The following KLHL4 variants were observed in gnomAD, a reference collection of about 807,000 sequenced individuals.
KLHL4 encodes the protein kelch like family member 4.
KLHL4 carries 17 observed loss-of-function variants against 45.8 expected under a neutral mutation model. The ratio of observed to expected loss-of-function variants is 0.37; its 90% CI spans 0.25 to 0.56. KLHL4 has a LOEUF of 0.56. KLHL4 is among the 20% of genes least tolerant of loss of function. KLHL4 has a pLI of 0.79. For missense variants in KLHL4, 544 were observed against 544.9 expected (o/e 1.00, Z 0.02); for synonymous variants, 224 against 189.9 (o/e 1.18, Z -1.47).
chrX:87,639,268 T>C (rs1168717714), intron 9 of KLHL4, among the ~76,000 whole-genome samples: 2 of 111,199 alleles, frequency 1.8e-5, no homozygotes, highest in Non-Finnish European at 3.8e-5. Context: ...CAGTACTCCA[T>C]TCACAGCACT....
chrX:87,638,900 G>A (rs923010207), intron 9 of KLHL4, among the ~76,000 whole-genome samples: 4 of 111,283 alleles, frequency 3.6e-5, no homozygotes, highest in African/African-American at 9.8e-5. Context: ...GATGTAGAAT[G>A]GCAAAATTGA....
intron 9 of KLHL4, among the ~76,000 whole-genome samples, chrX:87,642,500 C>T (rs1923496812): frequency 1.8e-5 from 2 of 111,875 alleles, no homozygotes; most frequent in South Asian, 7.4e-4. Context: ...TTCAACACCC[C>T]CCTAAAGAAT....
intron 1 of KLHL4, among the ~76,000 whole-genome samples, chrX:87,606,145 A>T (rs955742515): frequency 9.0e-6 from 1 of 110,973 alleles, no homozygotes; most frequent in Non-Finnish European, 1.9e-5. Flanking sequence ...TATTGTTGAA[A>T]ATTTTTCCAT....
At chrX:87,655,716 T>C (rs903254586) in intron 9 of KLHL4, among the ~76,000 whole-genome samples, 1 of 111,730 alleles carries the variant, frequency 9.0e-6, no homozygotes, top group Non-Finnish European at 1.9e-5. Context: ...CTTATTCCTG[T>C]CATAATATTA....
rs192052684 is a variant in KLHL4 at position 87,562,029 on chromosome X, G to A, written c.422+43714G>A. On this transcript the variant is annotated intron_variant, in intron 1 of 10. Transcript: ENST00000373119. ...GTAGTAATCACCATAGGACTTGGAT[G>A]AGACCTAATGCCATATTGGCTTCAT... 6.4e-5 allele frequency among the ~76,000 whole-genome samples: 7 copies of A among 109,540 alleles called. No individual in the cohort carries two copies. In the East Asian group the frequency reaches 2.1e-3, roughly 33 times the overall value.
chrX:87,599,529 G>A (rs1921942341), intron 1 of KLHL4, among the ~76,000 whole-genome samples: 1 of 110,308 alleles, frequency 9.1e-6, no homozygotes, highest in African/African-American at 3.3e-5. Context: ...AATACCACTT[G>A]TGTTCCTTTT....
At chrX:87,528,155 C>A (rs1481657623) in intron 1 of KLHL4, among the ~76,000 whole-genome samples, 1 of 111,413 alleles carries the variant, frequency 9.0e-6, no homozygotes, top group Non-Finnish European at 1.9e-5. Context: ...ATTAGGGAAA[C>A]AATTTGTGAT....
chrX:87,616,686 T>G (rs1463464934), intron 3 of KLHL4, among the ~76,000 whole-genome samples: 1 of 111,728 alleles, frequency 9.0e-6, no homozygotes, highest in African/African-American at 3.2e-5. Context: ...ACTATTCCTC[T>G]GAATGAATAT....
At chrX:87,617,491 T>C (rs1457219968) in intron 3 of KLHL4, among the ~76,000 whole-genome samples, 1 of 112,031 alleles carries the variant, frequency 8.9e-6, no homozygotes, top group Admixed American at 9.5e-5. Context: ...ATGATTCTTA[T>C]ACAATATGAC....
rs781650641 is a variant in KLHL4, at chrX:87,517,858, C to T, written c.-36C>T. ...AGATAACAAAGGCTCCGTTTCCTTT[C>T]TGTGAGAGAAGGCTTTTGTCTTTCC... is the stretch of plus-strand genomic sequence containing the variant. On this transcript the variant is annotated 5_prime_UTR_variant, in exon 1 of 11. Coordinates refer to ENST00000373119, the MANE Select transcript of KLHL4 (RefSeq NM_019117.5). The T allele has an allele frequency of 8.6e-7, 1 of 1,160,355 alleles. No individual in the cohort carries two copies. Among genetic ancestry groups the T allele is most frequent in the Non-Finnish European group, 1.2e-6 (1 of 868,628 alleles).
Position 87,526,798 on chromosome X carries a change from A to T in KLHL4, c.422+8483A>T, listed in dbSNP as rs182401024. ...TACAAAATGAGGAGACCAAAAAAGA[A>T]GGTCAGAGCTATATTATGGAGGCTC... is the stretch of plus-strand genomic sequence containing the variant. On this transcript the variant is annotated intron_variant, in intron 1 of 10. Coordinates refer to ENST00000373119, the MANE Select transcript of KLHL4 (RefSeq NM_019117.5). 8.4e-4 allele frequency among the ~76,000 whole-genome samples: 94 copies of T among 111,972 alleles called. 1 individual carries two copies. The highest frequency in any genetic ancestry group is 7.7e-3 in the South Asian group (21 of 2,720).
chrX:87,643,863 A>G (rs965526515), intron 9 of KLHL4, among the ~76,000 whole-genome samples: 1 of 112,053 alleles, frequency 8.9e-6, no homozygotes, highest in African/African-American at 3.2e-5. Context: ...CTTTATGATT[A>G]AAATTCTCAG....
intron 1 of KLHL4, among the ~76,000 whole-genome samples, chrX:87,530,841 G>A (rs1485658082): frequency 8.3e-5 from 9 of 108,123 alleles, no homozygotes; most frequent in East Asian, 3.0e-4. Flanking sequence ...CTGAGGAATC[G>A]CCACACTGAC....
At chrX:87,532,186 A>G (rs1340561425) in intron 1 of KLHL4, among the ~76,000 whole-genome samples, 1 of 109,253 alleles carries the variant, frequency 9.2e-6, no homozygotes, top group Non-Finnish European at 1.9e-5. Flanking sequence ...TTTATTAAAT[A>G]GGGAATCCTT....
chrX:87,635,291 T>G (rs957366729), intron 8 of KLHL4, among the ~76,000 whole-genome samples: 5 of 111,809 alleles, frequency 4.5e-5, no homozygotes, highest in Admixed American at 9.5e-5. Context: ...ATGGAATCTT[T>G]TATTCAATTA....
intron 1 of KLHL4, among the ~76,000 whole-genome samples, chrX:87,573,347 C>A (rs1052342877): frequency 9.1e-6 from 1 of 110,455 alleles, no homozygotes; most frequent in African/African-American, 3.3e-5. Context: ...ACTATATAGA[C>A]AATGAGATTA....
intron 1 of KLHL4, among the ~76,000 whole-genome samples, chrX:87,583,694 G>T (rs1418915718): frequency 9.0e-6 from 1 of 111,506 alleles, no homozygotes; most frequent in Non-Finnish European, 1.9e-5. Context: ...TACATTGACG[G>T]CCTTGGGTTA....
intron 1 of KLHL4, among the ~76,000 whole-genome samples, chrX:87,533,484 C>T (rs1314170618): frequency 1.0e-5 from 1 of 99,208 alleles, no homozygotes; most frequent in Non-Finnish European, 2.0e-5. Context: ...TGTTCTCACT[C>T]ATAGGTGGGA....
intron 1 of KLHL4, among the ~76,000 whole-genome samples, chrX:87,592,521 G>T (rs957133692): frequency 9.0e-6 from 1 of 111,515 alleles, no homozygotes; most frequent in African/African-American, 3.3e-5. Context: ...CACCAGCACT[G>T]TTATTGCCTG....
Sources: gnomAD v4.1 joint callset for allele counts (sites outside exome capture counted in the v4.1 genomes callset) on GRCh38, gnomAD v4.1.1 for gene constraint, MANE v1.5 for transcripts, NCBI Gene and HGNC (gene_info 2026-07-23, HGNC 2026-07-21) for gene names.